The following BCKDHB variants were observed in gnomAD, a reference collection of about 807,000 sequenced individuals.
BCKDHB encodes the protein branched chain keto acid dehydrogenase E1 subunit beta.
In BCKDHB, 41 loss-of-function variants were observed where a neutral mutation model predicts 48.5. That is an observed-to-expected ratio of 0.85 (90% CI 0.66 to 1.10). The LOEUF (loss-of-function observed/expected upper bound fraction) is 1.10, where lower values mean the gene tolerates loss of function less well. BCKDHB is among the 50% of genes least tolerant of loss of function. The probability of loss-of-function intolerance (pLI) is 0.00; values close to 1 mark genes in which losing one functional copy is unlikely to be tolerated. For missense variants in BCKDHB, 496 were observed against 494.2 expected, an observed-to-expected ratio of 1.00 and a Z score of -0.03; for synonymous variants, 201 against 174.8, an observed-to-expected ratio of 1.15 and a Z score of -1.18.
the BCKDHB span, among the ~76,000 whole-genome samples, chr6:80,400,902 A>G: frequency 6.6e-6 from 1 of 152,034 alleles, no homozygotes; most frequent in East Asian, 1.9e-4. Flanking sequence ...GAATGAGATC[A>G]TGTTCCTGGC....
chr6:80,370,938 T>G, the BCKDHB span, among the ~76,000 whole-genome samples: 1 of 152,136 alleles, frequency 6.6e-6, no homozygotes, highest in African/African-American at 2.4e-5. Context: ...CAAATTGTGC[T>G]GCTATAAACA....
intron 6 of BCKDHB, among the ~76,000 whole-genome samples, chr6:80,179,854 C>A (rs1582297924): frequency 6.6e-6 from 1 of 152,146 alleles, no homozygotes; most frequent in South Asian, 2.1e-4. Flanking sequence ...CATATGTCCC[C>A]AGATAGAGGC....
intron 9 of BCKDHB, among the ~76,000 whole-genome samples, chr6:80,338,909 A>G (rs1450689256): frequency 2.0e-5 from 3 of 152,160 alleles, no homozygotes; most frequent in African/African-American, 7.2e-5. Flanking sequence ...TAAACAGTAT[A>G]AACCTCGGGG....
intron 3 of BCKDHB, among the ~76,000 whole-genome samples, chr6:80,149,413 AT>A (rs1771648538): frequency 6.6e-6 from 1 of 152,188 alleles, no homozygotes; most frequent in Non-Finnish European, 1.5e-5. Flanking sequence ...CAGTGTGGCG[AT>A]TCCTCAGGGA....
chr6:80,166,429 G>A (rs1562101535), intron 3 of BCKDHB, among the ~76,000 whole-genome samples: 1 of 152,114 alleles, frequency 6.6e-6, no homozygotes, highest in Non-Finnish European at 1.5e-5. Flanking sequence ...GTCGAGGCGG[G>A]TGGATCACCT....
At chr6:80,157,459 ATTTTTTTTTT>A (rs36063034) in intron 3 of BCKDHB, among the ~76,000 whole-genome samples, 3 of 96,752 alleles carry the variant, frequency 3.1e-5, no homozygotes, top group Non-Finnish European at 6.0e-5. Context: ...TTGGGTGAGA[ATTTTTTTTTT>A]TTTTTTTTTT....
Position 80,167,703 on chromosome 6 carries a change from A to G in BCKDHB, c.369A>G (p.Pro123=), listed in dbSNP as rs891015474. Residue 123 remains proline (P), a synonymous_variant, in exon 4 of 10, where the codon CCA becomes CCG. Coordinates refer to ENST00000320393, the MANE Select transcript of BCKDHB (RefSeq NM_183050.4). ...GAAAAGATAGAGTTTTTAATACCCC[A>G]TTGTGTGAACAAGGAATTGTTGGAT... ...KYGKDRVFNT[P]LCEQGIVGFG... 2 of 1,610,852 alleles carry G rather than the reference A, an allele frequency of 1.2e-6. No homozygotes were observed. Among genetic ancestry groups the G allele is most frequent in the Admixed American group, 1.7e-5 (1 of 59,996 alleles).
chr6:80,430,049 A>G, the BCKDHB span, among the ~76,000 whole-genome samples: 5 of 152,172 alleles, frequency 3.3e-5, no homozygotes, highest in Admixed American at 1.3e-4. Context: ...ATCGATACCT[A>G]GTTTATTGAG....
the BCKDHB span, among the ~76,000 whole-genome samples, chr6:80,461,576 C>T: frequency 6.6e-6 from 1 of 152,154 alleles, no homozygotes; most frequent in East Asian, 1.9e-4. Flanking sequence ...ATCATAAAGT[C>T]AAACTTGTAA....
chr6:80,134,348 G>C (rs1045297879), intron 3 of BCKDHB, among the ~76,000 whole-genome samples: 7 of 152,084 alleles, frequency 4.6e-5, no homozygotes, highest in African/African-American at 1.7e-4. Flanking sequence ...CCACTTACTT[G>C]TTTTCTTATG....
In BCKDHB at chr6:80,206,865, A is replaced by G. The variant is rs532724757; in HGVS notation, c.951+3653A>G. ...AAAAAAATTCTCATGAAGATTTCAG[A>G]ACATCATTACACAAGCTTTGTTAAC... On this transcript the variant is annotated intron_variant, in intron 8 of 9. Coordinates refer to ENST00000320393, the MANE Select transcript of BCKDHB (RefSeq NM_183050.4). 3.3e-5 allele frequency among the ~76,000 whole-genome samples: 5 copies of G among 152,176 alleles called. No individual in the cohort carries two copies. In the South Asian group the frequency reaches 8.3e-4, roughly 25 times the overall value.
Position 80,117,518 on chromosome 6 carries a change from T to C in BCKDHB, c.197-10029T>C, listed in dbSNP as rs531800848. ...CATAAACTGGCCCCAAAACTGGCCA[T>C]AAAGAGAATCTCTGCAGCACTGTGA... On this transcript the variant is annotated intron_variant, in intron 1 of 9. Coordinates refer to ENST00000320393, the MANE Select transcript of BCKDHB (RefSeq NM_183050.4). 9.9e-4 allele frequency among the ~76,000 whole-genome samples: 151 copies of C among 152,202 alleles called. 1 individual carries two copies. The highest frequency in any genetic ancestry group is 2.7e-3 in the South Asian group (13 of 4,832).
At chr6:80,393,741 A>G in the BCKDHB span, among the ~76,000 whole-genome samples, 1 of 152,174 alleles carries the variant, frequency 6.6e-6, no homozygotes, top group Non-Finnish European at 1.5e-5. Context: ...ATTTTGATTC[A>G]CTAATATGCT....
the BCKDHB span, among the ~76,000 whole-genome samples, chr6:80,444,399 A>G: frequency 2.0e-5 from 3 of 152,196 alleles, no homozygotes; most frequent in Admixed American, 2.0e-4. Flanking sequence ...TGCCAGGAAT[A>G]TAATTCTTGA....
the BCKDHB span, among the ~76,000 whole-genome samples, chr6:80,424,523 C>G: frequency 6.6e-6 from 1 of 152,166 alleles, no homozygotes; most frequent in Non-Finnish European, 1.5e-5. Context: ...CTATTTGCAT[C>G]CAATTTTATA....
chr6:80,153,158 C>T (rs1261603517), intron 3 of BCKDHB, among the ~76,000 whole-genome samples: 1 of 126,082 alleles, frequency 7.9e-6, no homozygotes, highest in African/African-American at 2.5e-5. Context: ...AGAAGGTGAG[C>T]CGTGGCCAGG....
chr6:80,174,123 C>T (rs1773042063), intron 6 of BCKDHB, among the ~76,000 whole-genome samples: 1 of 152,026 alleles, frequency 6.6e-6, no homozygotes, highest in Admixed American at 6.6e-5. Flanking sequence ...CCCTACATCC[C>T]TTCTTTTTAA....
chr6:80,445,303 A>T, the BCKDHB span, among the ~76,000 whole-genome samples: 1 of 152,168 alleles, frequency 6.6e-6, no homozygotes, highest in Admixed American at 6.5e-5. Context: ...GCCAAGGTTA[A>T]ATATTTAACT....
At chr6:80,449,845 T>C in the BCKDHB span, among the ~76,000 whole-genome samples, 1 of 152,222 alleles carries the variant, frequency 6.6e-6, no homozygotes, top group Non-Finnish European at 1.5e-5. Context: ...AAACAGTTCA[T>C]AGAGTTCATA....
Sources: gnomAD v4.1 joint callset for allele counts (sites outside exome capture counted in the v4.1 genomes callset) on GRCh38, gnomAD v4.1.1 for gene constraint, MANE v1.5 for transcripts, NCBI Gene and HGNC (gene_info 2026-07-23, HGNC 2026-07-21) for gene names.